Variants in HSPA1B observed in about 807,000 individuals in gnomAD.
HSPA1B encodes heat shock 70 kDa protein 1B.
A neutral mutation model predicts 9.0 loss-of-function variants in HSPA1B; 7 were observed. That is an observed-to-expected ratio of 0.78 (90% CI 0.44 to 1.46). The LOEUF is 1.46. Ranked by LOEUF, HSPA1B falls within the 40% of genes most tolerant of loss-of-function variation. HSPA1B has a pLI of 0.01. For missense variants in HSPA1B, 199 were observed against 424.5 expected (o/e 0.47, Z 4.67); for synonymous variants, 125 against 184.5 (o/e 0.68, Z 2.61).
chr6:31,828,622 G>A lies in HSPA1B; in HGVS notation c.672G>A (p.Gly224=). The A allele has an allele frequency of 2.5e-5, 2 of 80,000 alleles. No individual in the cohort carries two copies. Among genetic ancestry groups the A allele is most frequent in the Non-Finnish European group, 4.2e-5 (2 of 47,608 alleles). 5.0% of individuals were successfully genotyped at this position (80,000 alleles called of 1,614,324 possible). ...TCTTCGAGGTGAAGGCCACGGCCGG[G>A]GACACCCACCTGGGTGGGGAGGACT... The part of the protein sequence containing the change: ...DGIFEVKATA[G]DTHLGGEDFD... The change falls in exon 1 of 1, where the codon GGG becomes GGA. Residue 224 remains glycine (G), a synonymous_variant. Transcript: ENST00000375650.
rs766033315 is a variant in HSPA1B at position 31,827,916 on chromosome 6, G to C, written c.-35G>C. On this transcript the variant is annotated 5_prime_UTR_variant, in exon 1 of 1. Coordinates refer to ENST00000375650, the MANE Select transcript of HSPA1B (RefSeq NM_005346.6). ...TCCCGTCCGCCGTTTCCAGCCCCCA[G>C]TCTCAGAGCGGAGCCCACAGAGCAG... 1 of 1,613,230 alleles carries C rather than the reference G, an allele frequency of 6.2e-7. No homozygotes were observed.
chr6:31,829,986 C>G lies in HSPA1B; in HGVS notation c.*110C>G. The G allele has an allele frequency of 7.9e-7, 1 of 1,262,916 alleles. No homozygotes were observed. Among genetic ancestry groups the G allele is most frequent in the Non-Finnish European group, 1.1e-6 (1 of 930,138 alleles). The allele number at this position is 1,262,916 out of a possible 1,614,324, so 78.2% of individuals were successfully genotyped here. Reference sequence around the variant, plus strand: ...GCTTCAGCTCTTTGCTGCTTCACTTCTTTGTAAAGTTGTAACCTGATGGTA... The same window carrying G: ...GCTTCAGCTCTTTGCTGCTTCACTTGTTTGTAAAGTTGTAACCTGATGGTA... On this transcript the variant is annotated 3_prime_UTR_variant, in exon 1 of 1. Transcript: ENST00000375650.
chr6:31,827,910 C>T lies in HSPA1B; in HGVS notation c.-41C>T, dbSNP rs761612232. On this transcript the variant is annotated 5_prime_UTR_variant, in exon 1 of 1. Coordinates refer to ENST00000375650, the MANE Select transcript of HSPA1B (RefSeq NM_005346.6). ...CGCGGATCCCGTCCGCCGTTTCCAG[C>T]CCCCAGTCTCAGAGCGGAGCCCACA... 19 of 1,613,236 alleles carry T rather than the reference C, an allele frequency of 1.2e-5. No individual in the cohort carries two copies. The highest frequency in any genetic ancestry group is 1.6e-5 in the Non-Finnish European group (19 of 1,179,830).
In HSPA1B at chr6:31,827,943, G is replaced by T. The variant is rs1305388934; in HGVS notation, c.-8G>T. The T allele has an allele frequency of 6.2e-7, 1 of 1,613,390 alleles. No individual in the cohort carries two copies. Among genetic ancestry groups the T allele is most frequent in the African/African-American group, 1.3e-5 (1 of 75,042 alleles). ...CTCAGAGCGGAGCCCACAGAGCAGG[G>T]CACCGGCATGGCCAAAGCCGCGGCG... On this transcript the variant is annotated 5_prime_UTR_variant, in exon 1 of 1. Coordinates refer to ENST00000375650, the MANE Select transcript of HSPA1B (RefSeq NM_005346.6).
In HSPA1B at chr6:31,829,919, T is replaced by A. The variant is rs749927695; in HGVS notation, c.*43T>A. ...TATGTTTGTCTTTGAGGTGGACTGT[T>A]GGGACTCAAGGACTTTGCTGCTGTT... On this transcript the variant is annotated 3_prime_UTR_variant, in exon 1 of 1. Coordinates refer to ENST00000375650, the MANE Select transcript of HSPA1B (RefSeq NM_005346.6). The A allele has an allele frequency of 2.5e-6, 4 of 1,593,726 alleles. No homozygotes were observed. In the South Asian group the frequency reaches 4.5e-5, roughly 18 times the overall value.
rs376171892 is a variant in HSPA1B at position 31,828,079 on chromosome 6, C to G, written c.129C>G (p.Ala43=). ...QGNRTTPSYV[A]FTDTERLIGD... is the part of the protein sequence containing the mutation. ...ACCGCACCACCCCCAGCTACGTGGC[C>G]TTCACGGACACCGAGCGGCTCATCG... The change falls in exon 1 of 1, where the codon GCC becomes GCG. Residue 43 remains alanine, a synonymous_variant. Transcript: ENST00000375650. 4.4e-6 allele frequency: 7 copies of G among 1,602,256 alleles called. No individual in the cohort carries two copies. In the African/African-American group the frequency reaches 8.3e-5, roughly 19 times the overall value.
rs1043133095 is a variant in HSPA1B, at chr6:31,827,750, T to C, written c.-201T>C. The C allele has an allele frequency of 8.9e-6, 11 of 1,233,166 alleles. No individual in the cohort carries two copies. The African/African-American group carries it at 1.6e-4, about 18-fold the overall frequency. The allele number at this position is 1,233,166 out of a possible 1,614,324, so 76.4% of individuals were successfully genotyped here. A position where few individuals can be genotyped will look rare whatever the true frequency, so the allele number is the denominator to read the frequency against. ...CGCGCGGTCCGGAAAACGGCCAGCC[T>C]GAGGAGCTGCTGCGAGGGTCCGCTT... On this transcript the variant is annotated 5_prime_UTR_variant, in exon 1 of 1. Coordinates refer to ENST00000375650, the MANE Select transcript of HSPA1B (RefSeq NM_005346.6).
rs9279427 is a variant in HSPA1B at position 31,830,146 on chromosome 6, GTTTTTTTTTTTTTT to G, written c.*281_*294del. The G allele has an allele frequency of 2.5e-5, 2 of 79,680 alleles. No homozygotes were observed. Among genetic ancestry groups the G allele is most frequent in the African/African-American group, 6.4e-5 (1 of 15,728 alleles). 4.9% of individuals were successfully genotyped at this position (79,680 alleles called of 1,614,324 possible). ...TGCCACCTTCTGTACGAGTTTGTTT[GTTTTTTTTTTTTTT>G]TTTTTTTTTTGCTTGGCGAAAACAC... On this transcript the variant is annotated 3_prime_UTR_variant, in exon 1 of 1. Transcript: ENST00000375650.
rs775815798 is a variant in HSPA1B at position 31,829,788 on chromosome 6, G to A, written c.1838G>A (p.Gly613Asp). Residue 613 changes from glycine (G) to aspartate (D), a missense_variant, in exon 1 of 1, where the codon GGT becomes GAT. Gly to Asp is a moderately conservative substitution (Grantham distance 94, BLOSUM62 -1). Around this residue, in one of 5 missense-constraint regions of HSPA1B, gnomAD observed 67 missense variants for 106.4 expected, o/e 0.63. Transcript: ENST00000375650. ...CCCATCATCAGCGGACTGTACCAGG[G>A]TGCCGGTGGTCCCGGGCCTGGCGGC... is the stretch of plus-strand genomic sequence containing the variant. Reference protein sequence around the residue: ...CNPIISGLYQGAGGPGPGGFG... With the variant: ...CNPIISGLYQDAGGPGPGGFG... 9.3e-6 allele frequency: 15 copies of A among 1,611,850 alleles called. No individual in the cohort carries two copies. Among genetic ancestry groups the A allele is most frequent in the Non-Finnish European group, 1.3e-5 (15 of 1,179,466 alleles).
In HSPA1B at chr6:31,827,913, C is replaced by T; in HGVS notation, c.-38C>T. ...GGATCCCGTCCGCCGTTTCCAGCCC[C>T]CAGTCTCAGAGCGGAGCCCACAGAG... On this transcript the variant is annotated 5_prime_UTR_variant, in exon 1 of 1. Coordinates refer to ENST00000375650, the MANE Select transcript of HSPA1B (RefSeq NM_005346.6). 1.9e-6 allele frequency: 3 copies of T among 1,613,420 alleles called. No individual in the cohort carries two copies. Among genetic ancestry groups the T allele is most frequent in the East Asian group, 2.2e-5 (1 of 44,872 alleles).
In HSPA1B at chr6:31,827,815, A is replaced by T; in HGVS notation, c.-136A>T. 6.4e-7 allele frequency: 1 copy of T among 1,557,510 alleles called. No individual in the cohort carries two copies. On this transcript the variant is annotated 5_prime_UTR_variant, in exon 1 of 1. Transcript: ENST00000375650. ...GACTCCCGCGGTCCCAAGGCTTTCCAGAGCGAACCTGTGCGGCTGCAGGCA... is the reference window on the plus strand; with the variant it reads ...GACTCCCGCGGTCCCAAGGCTTTCCTGAGCGAACCTGTGCGGCTGCAGGCA...
Position 31,829,897 on chromosome 6 carries a change from GTTTGTC to G in HSPA1B, c.*26_*31del, listed in dbSNP as rs1425766708. ...ATTAGGGGCCTTTGTTCTTTAGTAT[GTTTGTC>G]TTTGAGGTGGACTGTTGGGACTCAA... On this transcript the variant is annotated 3_prime_UTR_variant, in exon 1 of 1. Transcript: ENST00000375650. 4 of 1,608,924 alleles carry G rather than the reference GTTTGTC, an allele frequency of 2.5e-6. No individual in the cohort carries two copies. In the South Asian group the frequency reaches 4.4e-5, roughly 18 times the overall value.
rs1162534393 is a variant in HSPA1B at position 31,830,140 on chromosome 6, TTG to T, written c.*266_*267del. On this transcript the variant is annotated 3_prime_UTR_variant, in exon 1 of 1. Transcript: ENST00000375650. ...CAACACTGCCACCTTCTGTACGAGTTTGTTTGTTTTTTTTTTTTTTTTTTTTT... is the reference window on the plus strand; with the variant it reads ...CAACACTGCCACCTTCTGTACGAGTTTTTGTTTTTTTTTTTTTTTTTTTTT... The T allele has an allele frequency of 1.3e-5, 3 of 234,714 alleles. No homozygotes were observed. Among genetic ancestry groups the T allele is most frequent in the Non-Finnish European group, 1.5e-5 (2 of 134,076 alleles). The allele number at this position is 234,714 out of a possible 1,614,324, so 14.5% of individuals were successfully genotyped here.
Position 31,830,173 on chromosome 6 carries a change from T to A in HSPA1B, c.*297T>A, listed in dbSNP as rs34396430. ...TTTTTTTTTTTTTTTTTTTTTTTGCTTGGCGAAAACACTACAAAGGCTGGG... is the reference window on the plus strand; with the variant it reads ...TTTTTTTTTTTTTTTTTTTTTTTGCATGGCGAAAACACTACAAAGGCTGGG... On this transcript the variant is annotated 3_prime_UTR_variant, in exon 1 of 1. Transcript: ENST00000375650. The A allele has an allele frequency of 2.6e-3, 874 of 340,966 alleles. 13 individuals are homozygous for A. The highest frequency in any genetic ancestry group is 0.021 in the African/African-American group (817 of 38,488). 21.1% of individuals were successfully genotyped at this position (340,966 alleles called of 1,614,324 possible). A position where few individuals can be genotyped will look rare whatever the true frequency, so the allele number is the denominator to read the frequency against.
rs762334116 is a variant in HSPA1B at position 31,828,166 on chromosome 6, G to T, written c.216G>T (p.Arg72=). The T allele has an allele frequency of 2.0e-6, 3 of 1,467,890 alleles. No homozygotes were observed. Among genetic ancestry groups the T allele is most frequent in the Middle Eastern group, 2.4e-4 (1 of 4,206 alleles). 90.9% of individuals were successfully genotyped at this position (1,467,890 alleles called of 1,614,324 possible). Residue 72 remains arginine, a synonymous_variant, in exon 1 of 1, where the codon CGG becomes CGT. Transcript: ENST00000375650. The part of the protein sequence containing the change: ...NPQNTVFDAK[R]LIGRKFGDPV... ...AGAACACCGTGTTTGACGCGAAGCG[G>T]CTGATTGGCCGCAAGTTCGGCGACC...
rs777583348 is a variant in HSPA1B at position 31,828,118 on chromosome 6, G to A, written c.168G>A (p.Lys56=). 7.4e-5 allele frequency: 117 copies of A among 1,571,256 alleles called. No homozygotes were observed. In the African/African-American group the frequency reaches 1.6e-3, roughly 21 times the overall value. The change falls in exon 1 of 1, where the codon AAG becomes AAA. Residue 56 remains lysine, a synonymous_variant. Coordinates refer to ENST00000375650, the MANE Select transcript of HSPA1B (RefSeq NM_005346.6). ...AGCGGCTCATCGGGGATGCGGCCAAGAACCAGGTGGCGCTGAACCCGCAGA... is the reference window on the plus strand; with the variant it reads ...AGCGGCTCATCGGGGATGCGGCCAAAAACCAGGTGGCGCTGAACCCGCAGA... ...DTERLIGDAA[K]NQVALNPQNT... is the part of the protein sequence containing the mutation.
chr6:31,830,002 C>A lies in HSPA1B; in HGVS notation c.*126C>A. On this transcript the variant is annotated 3_prime_UTR_variant, in exon 1 of 1. Transcript: ENST00000375650. ...GCTTCACTTCTTTGTAAAGTTGTAA[C>A]CTGATGGTAATTAGCTGGCTTCATT... is the stretch of plus-strand genomic sequence containing the variant. The A allele has an allele frequency of 3.6e-6, 3 of 838,766 alleles. No individual in the cohort carries two copies. Among genetic ancestry groups the A allele is most frequent in the South Asian group, 2.6e-5 (1 of 39,096 alleles). The allele number at this position is 838,766 out of a possible 1,614,324, so 52.0% of individuals were successfully genotyped here.
Position 31,827,771 on chromosome 6 carries a change from C to T in HSPA1B, c.-180C>T, listed in dbSNP as rs36058616. ...AGCCTGAGGAGCTGCTGCGAGGGTC[C>T]GCTTCGTCTTTCGAGAGTGACTCCC... On this transcript the variant is annotated 5_prime_UTR_variant, in exon 1 of 1. Transcript: ENST00000375650. 1.5e-3 allele frequency: 2,097 copies of T among 1,366,158 alleles called. 31 individuals are homozygous for T. The African/African-American group carries it at 0.024, about 15-fold the overall frequency. 84.6% of individuals were successfully genotyped at this position (1,366,158 alleles called of 1,614,324 possible). A position where few individuals can be genotyped will look rare whatever the true frequency, so the allele number is the denominator to read the frequency against.
rs755609565 is a variant in HSPA1B at position 31,827,805 on chromosome 6, A to G, written c.-146A>G. On this transcript the variant is annotated 5_prime_UTR_variant, in exon 1 of 1. Transcript: ENST00000375650. ...TTTCGAGAGTGACTCCCGCGGTCCC[A>G]AGGCTTTCCAGAGCGAACCTGTGCG... is the stretch of plus-strand genomic sequence containing the variant. 11 of 1,534,544 alleles carry G rather than the reference A, an allele frequency of 7.2e-6. 1 individual carries two copies. The highest frequency in any genetic ancestry group is 4.1e-5 in the African/African-American group (3 of 72,882).
Sources: gnomAD v4.1 joint callset for allele counts on GRCh38, gnomAD v4.1.1 for gene constraint, gnomAD v4.1.1 regional missense constraint, MANE v1.5 for transcripts, NCBI Gene and HGNC (gene_info 2026-07-23, HGNC 2026-07-21) for gene names.